The following CAAP1 variants were observed in gnomAD, a reference collection of about 807,000 sequenced individuals.
The protein encoded by CAAP1 is caspase activity and apoptosis inhibitor 1.
A neutral mutation model predicts 34.0 loss-of-function variants in CAAP1; 20 were observed. The observed-to-expected ratio is 0.59, with a 90% CI of 0.41 to 0.86. CAAP1 has a LOEUF of 0.86. Ranked by LOEUF, CAAP1 falls within the 40% of genes least tolerant of loss-of-function variation. CAAP1 has a pLI of 0.00. For synonymous variants in CAAP1, 213 were observed against 166.7 expected (o/e 1.28, Z -2.14); for missense variants, 538 against 450.5 (o/e 1.19, Z -1.76).
At chr9:26,883,593 A>C (rs1011038602) in intron 4 of CAAP1, among the ~76,000 whole-genome samples, 1 of 152,190 alleles carries the variant, frequency 6.6e-6, no homozygotes, top group Non-Finnish European at 1.5e-5. Context: ...ATGGCACCTC[A>C]AAAACTGGAA....
At chr9:26,873,041 T>C (rs1442021891) in intron 4 of CAAP1, among the ~76,000 whole-genome samples, 1 of 152,108 alleles carries the variant, frequency 6.6e-6, no homozygotes, top group East Asian at 1.9e-4. Context: ...CAGAAGGATC[T>C]CTTGAGCCAA....
chr9:26,864,329 C>A (rs903364075), intron 4 of CAAP1, among the ~76,000 whole-genome samples: 3 of 151,958 alleles, frequency 2.0e-5, no homozygotes, highest in Admixed American at 6.6e-5. Context: ...CATATATGAA[C>A]CCCTAAAAGT....
chr9:26,889,148 G>C (rs931980976), intron 1 of CAAP1, among the ~76,000 whole-genome samples: 1 of 152,232 alleles, frequency 6.6e-6, no homozygotes, highest in African/African-American at 2.4e-5. Flanking sequence ...CCGGCGCGGT[G>C]GCTCACGCCT....
At chr9:26,877,681 A>G (rs187536017) in intron 4 of CAAP1, among the ~76,000 whole-genome samples, 158 of 152,200 alleles carry the variant, frequency 1.0e-3, no homozygotes, top group African/African-American at 3.6e-3. Flanking sequence ...TGTTGACTGG[A>G]AGGCTGCTAA....
intron 4 of CAAP1, among the ~76,000 whole-genome samples, chr9:26,882,440 G>C (rs927522669): frequency 6.6e-6 from 1 of 152,204 alleles, no homozygotes; most frequent in East Asian, 1.9e-4. Flanking sequence ...GCCTGCAGTT[G>C]CATAGAAGTC....
At chr9:26,845,422 C>A (rs1334126719) in intron 5 of CAAP1, among the ~76,000 whole-genome samples, 1 of 152,230 alleles carries the variant, frequency 6.6e-6, no homozygotes, top group African/African-American at 2.4e-5. Flanking sequence ...GTCACCCAGG[C>A]TGGAATGCAG....
At chr9:26,860,745 C>T (rs750806148) in intron 5 of CAAP1, among the ~76,000 whole-genome samples, 1 of 152,056 alleles carries the variant, frequency 6.6e-6, no homozygotes, top group African/African-American at 2.4e-5. Context: ...GAGCCAAGAT[C>T]GCGCCACTGC....
intron 4 of CAAP1, among the ~76,000 whole-genome samples, chr9:26,881,951 C>T (rs1412618612): frequency 6.6e-6 from 1 of 152,120 alleles, no homozygotes; most frequent in African/African-American, 2.4e-5. Context: ...GTGACTCTTG[C>T]TATATTTTAG....
At chr9:26,856,121 T>C (rs1420612288) in intron 5 of CAAP1, among the ~76,000 whole-genome samples, 1 of 135,312 alleles carries the variant, frequency 7.4e-6, no homozygotes, top group African/African-American at 3.0e-5. Context: ...CAGTAATTTT[T>C]TTTAAAAGGG....
chr9:26,874,013 C>T (rs1305634887), intron 4 of CAAP1, among the ~76,000 whole-genome samples: 1 of 151,868 alleles, frequency 6.6e-6, no homozygotes, highest in Non-Finnish European at 1.5e-5. Flanking sequence ...TGAGACCATC[C>T]TGGCTAACAT....
intron 4 of CAAP1, among the ~76,000 whole-genome samples, chr9:26,875,615 C>G (rs1349210312): frequency 6.6e-6 from 1 of 152,086 alleles, no homozygotes; most frequent in Non-Finnish European, 1.5e-5. Context: ...CTAAAGCCAG[C>G]CTTTGTCCTT....
intron 4 of CAAP1, among the ~76,000 whole-genome samples, chr9:26,872,868 A>C (rs1823314910): frequency 6.6e-6 from 1 of 152,212 alleles, no homozygotes; most frequent in South Asian, 2.1e-4. Context: ...TTTTTAAGTT[A>C]ATAATTTGAA....
At chr9:26,887,148 G>A (rs1823766183) in intron 2 of CAAP1, among the ~76,000 whole-genome samples, 165 bp downstream of exon 2, 1 of 152,102 alleles carries the variant, frequency 6.6e-6, no homozygotes, top group Non-Finnish European at 1.5e-5. Context: ...GGAGGCGGAG[G>A]TTGCAGTGAG....
intron 4 of CAAP1, among the ~76,000 whole-genome samples, chr9:26,884,315 T>A (rs1418634252): frequency 6.6e-6 from 1 of 152,168 alleles, no homozygotes; most frequent in Non-Finnish European, 1.5e-5. Context: ...GTATTTTTTT[T>A]ATCATCCCGA....
At chr9:26,875,708 T>C (rs997932309) in intron 4 of CAAP1, among the ~76,000 whole-genome samples, 1 of 152,298 alleles carries the variant, frequency 6.6e-6, no homozygotes, top group Admixed American at 6.5e-5. Context: ...TACTAGGTAG[T>C]GCACTGAAAT....
rs1265556104 is a variant in CAAP1, at chr9:26,865,512, G to T, written c.666-4373C>A. Among the ~76,000 whole-genome samples, 29 of 146,672 alleles carry T rather than the reference G, an allele frequency of 2.0e-4. 1 individual carries two copies. Among genetic ancestry groups the T allele is most frequent in the Admixed American group, 2.0e-3 (29 of 14,778 alleles). On this transcript the variant is annotated intron_variant, in intron 4 of 5. Coordinates refer to ENST00000333916, the MANE Select transcript of CAAP1 (RefSeq NM_024828.4). ...GCACTCCAGCCTGGGCAACAAGAGAGAAACTATGTCTCAAAAAAAAAAAAA... is the reference window on the plus strand; with the variant it reads ...GCACTCCAGCCTGGGCAACAAGAGATAAACTATGTCTCAAAAAAAAAAAAA...
At position 26,887,267 on chromosome 9, in the gene CAAP1, G is replaced by A. The variant is rs201236926; in HGVS notation, c.504+46C>T. On this transcript the variant is annotated intron_variant, in intron 2 of 5. Transcript: ENST00000333916. ...TAAAACAAAAAATTGCTACAAAGAA[G>A]GCTGTATTTCTACATATGTATCTAG... The A allele has an allele frequency of 2.5e-6, 3 of 1,220,046 alleles. No homozygotes were observed. In the African/African-American group the frequency reaches 4.6e-5, roughly 19 times the overall value. The allele number at this position is 1,220,046 out of a possible 1,614,324, so 75.6% of individuals were successfully genotyped here.
At chr9:26,862,018 C>G (rs1823013975) in intron 4 of CAAP1, among the ~76,000 whole-genome samples, 1 of 152,166 alleles carries the variant, frequency 6.6e-6, no homozygotes, top group South Asian at 2.1e-4. Context: ...TGTATTAAAA[C>G]TGCACTAATA....
chr9:26,871,893 G>A (rs1032499668), intron 4 of CAAP1, among the ~76,000 whole-genome samples: 1 of 149,520 alleles, frequency 6.7e-6, no homozygotes, highest in South Asian at 2.1e-4. Flanking sequence ...CAGCCTGGGC[G>A]ACAGAGCCAG....
Sources: allele counts gnomAD v4.1 joint callset (sites outside exome capture counted in the v4.1 genomes callset), GRCh38; gene constraint gnomAD v4.1.1; transcripts MANE v1.5; gene names NCBI Gene and HGNC (gene_info 2026-07-23, HGNC 2026-07-21).